Variants in RNF150 observed in about 807,000 individuals in gnomAD.
RNF150 encodes the protein ring finger protein 150.
Under a neutral mutation model 39.3 loss-of-function variants are expected in RNF150, and 24 were observed. The ratio of observed to expected loss-of-function variants is 0.61; its 90% CI spans 0.44 to 0.86. The LOEUF (loss-of-function observed/expected upper bound fraction) is 0.86. Ranked by LOEUF, RNF150 falls within the 40% of genes least tolerant of loss-of-function variation. The probability of loss-of-function intolerance (pLI) is 0.00; values close to 1 mark genes in which losing one functional copy is unlikely to be tolerated. For synonymous variants in RNF150, 255 were observed against 227.3 expected (o/e 1.12, Z -1.10); for missense variants, 502 against 587.8 (o/e 0.85, Z 1.51).
intron 6 of RNF150, among the ~76,000 whole-genome samples, chr4:140,901,083 G>T (rs557242359): frequency 6.6e-6 from 1 of 152,260 alleles, no homozygotes; most frequent in South Asian, 2.1e-4. Context: ...AGTAAAGGTC[G>T]TGTAGATGGT....
Position 140,949,332 on chromosome 4 carries a change from A to C in RNF150, c.776T>G (p.Leu259Arg). 1.2e-6 allele frequency: 2 copies of C among 1,613,186 alleles called. No individual in the cohort carries two copies. Among genetic ancestry groups the C allele is most frequent in the Non-Finnish European group, 1.7e-6 (2 of 1,179,524 alleles). The stretch of plus-strand genomic sequence containing the variant: ...ACCCTTCTTGATGGTCCTGATCTGG[A>C]GTTTGCTGATGGCTTTCTTTGCTGC... ...GDAAKKAISK[L>R]QIRTIKKGDK... Residue 259 changes from leucine to arginine, a missense_variant, in exon 3 of 7, where the codon CTC (leucine) becomes CGC (arginine). Transcript: ENST00000515673.
rs1424635354 is a variant in RNF150 at position 140,925,907 on chromosome 4, GTTTTCT to G, written c.987+64_987+69del. 6.5e-6 allele frequency: 7 copies of G among 1,077,274 alleles called. No homozygotes were observed. The African/African-American group carries it at 1.1e-4, about 17-fold the overall frequency. The allele number at this position is 1,077,274 out of a possible 1,614,324, so 66.7% of individuals were successfully genotyped here. ...GGGACACAGAACATCCAAGTATAAT[GTTTTCT>G]CCCTGCTTTGAGGGCAACGCAGAAA... On this transcript the variant is annotated intron_variant, in intron 5 of 6. Transcript: ENST00000515673.
At chr4:140,965,345 T>G (rs1358658808) in intron 2 of RNF150, among the ~76,000 whole-genome samples, 1 of 151,810 alleles carries the variant, frequency 6.6e-6, no homozygotes, top group Non-Finnish European at 1.5e-5. Context: ...CCTAAAGAAA[T>G]AAAAAACAGA....
chr4:141,117,566 A>G (rs1200222220), intron 1 of RNF150, among the ~76,000 whole-genome samples: 1 of 152,220 alleles, frequency 6.6e-6, no homozygotes, highest in Non-Finnish European at 1.5e-5. Flanking sequence ...TACATCATTT[A>G]TACCATCTAG....
chr4:141,013,832 T>C (rs1416782848), intron 1 of RNF150, among the ~76,000 whole-genome samples: 1 of 152,226 alleles, frequency 6.6e-6, no homozygotes, highest in Non-Finnish European at 1.5e-5. Flanking sequence ...TATCTTTTTT[T>C]GTGGTGAAAC....
At chr4:141,116,790 C>T (rs992307694) in intron 1 of RNF150, among the ~76,000 whole-genome samples, 2 of 152,166 alleles carry the variant, frequency 1.3e-5, no homozygotes, top group South Asian at 4.2e-4. Context: ...CACATACATA[C>T]CATGAAATAG....
chr4:141,174,790 A>G (rs909367732), intron 1 of RNF150, among the ~76,000 whole-genome samples: 2 of 152,078 alleles, frequency 1.3e-5, no homozygotes, highest in Non-Finnish European at 2.9e-5. Flanking sequence ...ATCTAGGGAT[A>G]AAGTTGGAAG....
chr4:140,920,946 C>G (rs1191486092), intron 5 of RNF150, among the ~76,000 whole-genome samples: 1 of 151,722 alleles, frequency 6.6e-6, no homozygotes. Context: ...AACAAAAAAC[C>G]AAACACTGCA....
intron 1 of RNF150, among the ~76,000 whole-genome samples, chr4:141,037,887 C>T (rs543169108): frequency 6.6e-6 from 1 of 152,298 alleles, no homozygotes; most frequent in Non-Finnish European, 1.5e-5. Context: ...TTCACATTCC[C>T]ACCCAGATAC....
At chr4:141,040,288 G>C (rs945487989) in intron 1 of RNF150, among the ~76,000 whole-genome samples, 1 of 151,968 alleles carries the variant, frequency 6.6e-6, no homozygotes, top group African/African-American at 2.4e-5. Context: ...CTCAGAATAG[G>C]TATTTTCTAA....
chr4:140,982,337 T>A (rs541055751), intron 1 of RNF150, among the ~76,000 whole-genome samples: 1 of 152,230 alleles, frequency 6.6e-6, no homozygotes, highest in Admixed American at 6.5e-5. Flanking sequence ...GTATCTGTAG[T>A]TACTGTGTTC....
At chr4:140,875,095 G>C (rs954292325) in intron 6 of RNF150, among the ~76,000 whole-genome samples, 3 of 151,280 alleles carry the variant, frequency 2.0e-5, no homozygotes, top group African/African-American at 4.9e-5. Context: ...ATAATAGTAA[G>C]AGTTGGAAAC....
intron 1 of RNF150, among the ~76,000 whole-genome samples, chr4:141,028,661 A>G (rs975516074): frequency 6.6e-6 from 1 of 152,152 alleles, no homozygotes; most frequent in African/African-American, 2.4e-5. Context: ...TGACTTTGCA[A>G]TTTATTTTCA....
At chr4:140,872,632 T>G (rs922357170) in intron 6 of RNF150, among the ~76,000 whole-genome samples, 1 of 152,190 alleles carries the variant, frequency 6.6e-6, no homozygotes, top group African/African-American at 2.4e-5. Context: ...AGAATGATTT[T>G]TGGATGAAGG....
chr4:141,140,851 T>C (rs76972758), intron 1 of RNF150, among the ~76,000 whole-genome samples: 1,543 of 152,306 alleles, frequency 0.01, 33 homozygotes, highest in African/African-American at 0.035. Flanking sequence ...ATGAGGCCCA[T>C]TCCCACAGGG....
At chr4:141,058,066 A>G (rs1341810825) in intron 1 of RNF150, among the ~76,000 whole-genome samples, 1 of 152,196 alleles carries the variant, frequency 6.6e-6, no homozygotes, top group African/African-American at 2.4e-5. Flanking sequence ...TATTACCAAT[A>G]AAATGCATAT....
At position 141,079,990 on chromosome 4, in the gene RNF150, C is replaced by T. The variant is rs537591675; in HGVS notation, c.484+52335G>A. Among the ~76,000 whole-genome samples the T allele has an allele frequency of 1.8e-4, 27 of 152,098 alleles. No homozygotes were observed. In the South Asian group the frequency reaches 4.4e-3, roughly 25 times the overall value. On this transcript the variant is annotated intron_variant, in intron 1 of 6. Transcript: ENST00000515673. The stretch of plus-strand genomic sequence containing the variant: ...GAAAGCATAGTCAGGACTCCATAAA[C>T]GTTGTTTAAAATTGTAAGACAGGCA...
At chr4:140,956,870 G>A (rs1387206199) in intron 2 of RNF150, among the ~76,000 whole-genome samples, 1 of 151,828 alleles carries the variant, frequency 6.6e-6, no homozygotes, top group African/African-American at 2.4e-5. Context: ...AGCTGAAACT[G>A]GATCCCTTCC....
intron 1 of RNF150, among the ~76,000 whole-genome samples, chr4:140,982,669 T>C (rs1733898582): frequency 6.6e-6 from 1 of 152,076 alleles, no homozygotes; most frequent in Non-Finnish European, 1.5e-5. Context: ...TCAGAAAACA[T>C]GTCCCTGGTG....
Sources: allele counts gnomAD v4.1 joint callset (sites outside exome capture counted in the v4.1 genomes callset), GRCh38; gene constraint gnomAD v4.1.1; transcripts MANE v1.5; gene names NCBI Gene and HGNC (gene_info 2026-07-23, HGNC 2026-07-21).